Variants in KCNN2 observed in about 807,000 individuals in gnomAD.
The protein encoded by KCNN2 is potassium calcium-activated channel subfamily N member 2.
KCNN2 carries 24 observed loss-of-function variants against 55.5 expected under a neutral mutation model. The ratio of observed to expected loss-of-function variants is 0.43; its 90% CI spans 0.31 to 0.61. The LOEUF (loss-of-function observed/expected upper bound fraction) is 0.61, where lower values mean the gene tolerates loss of function less well. Ranked by LOEUF, KCNN2 falls within the 20% of genes least tolerant of loss-of-function variation. The probability of loss-of-function intolerance (pLI) is 0.08; values close to 1 mark genes in which losing one functional copy is unlikely to be tolerated. For synonymous variants in KCNN2, 431 were observed against 336.1 expected (o/e 1.28, Z -3.09); for missense variants, 754 against 853.6 (o/e 0.88, Z 1.45).
At chr5:114,186,940 T>A (rs755209556) in intron 1 of KCNN2, among the ~76,000 whole-genome samples, 16 of 152,126 alleles carry the variant, frequency 1.1e-4, no homozygotes, top group Non-Finnish European at 2.4e-4. Flanking sequence ...AATACAGAGA[T>A]AAAAATCACG....
intron 2 of KCNN2, among the ~76,000 whole-genome samples, chr5:114,349,381 C>A (rs913320503): frequency 6.6e-6 from 1 of 151,984 alleles, no homozygotes; most frequent in Admixed American, 6.6e-5. Context: ...ACACCTGATA[C>A]CTTTGTTTTC....
At chr5:114,112,757 T>C (rs1751625949) in intron 1 of KCNN2, among the ~76,000 whole-genome samples, 1 of 152,120 alleles carries the variant, frequency 6.6e-6, no homozygotes, top group African/African-American at 2.4e-5. Flanking sequence ...AATTGTGTTT[T>C]ATTTTCCAGA....
intron 2 of KCNN2, among the ~76,000 whole-genome samples, chr5:114,309,216 T>A (rs984883507): frequency 2.0e-5 from 3 of 152,162 alleles, no homozygotes; most frequent in African/African-American, 7.2e-5. Context: ...GGCCAACAGT[T>A]TTACCCAAGG....
chr5:114,123,425 C>T lies in KCNN2; in HGVS notation c.-271+66925C>T, dbSNP rs1281031716. Among the ~76,000 whole-genome samples, 5 of 58,946 alleles carry T rather than the reference C, an allele frequency of 8.5e-5. 1 individual carries two copies. The highest frequency in any genetic ancestry group is 4.4e-4 in the East Asian group (2 of 4,518). The allele number at this position is 58,946 out of a possible 152,430, so 38.7% of individuals were successfully genotyped here. A position where few individuals can be genotyped will look rare whatever the true frequency, so the allele number is the denominator to read the frequency against. ...TTGCCCAGGCTGGAGTGCAGTGGCG[C>T]GATCTCGGCTCACTGCAAGCTCCGC... On this transcript the variant is annotated intron_variant, in intron 1 of 10. Transcript: ENST00000512097.
At chr5:114,198,098 T>G (rs541147248) in intron 1 of KCNN2, among the ~76,000 whole-genome samples, 1 of 152,112 alleles carries the variant, frequency 6.6e-6, no homozygotes, top group Non-Finnish European at 1.5e-5. Context: ...ATACTATGAA[T>G]TTTTTTAAAT....
chr5:114,171,839 T>C (rs1452524135), intron 1 of KCNN2, among the ~76,000 whole-genome samples: 4 of 152,022 alleles, frequency 2.6e-5, no homozygotes, highest in South Asian at 4.1e-4. Context: ...ATGGCTGCTT[T>C]ACCATGTCTT....
At chr5:114,271,091 C>T (rs1034715329) in intron 2 of KCNN2, among the ~76,000 whole-genome samples, 4 of 152,134 alleles carry the variant, frequency 2.6e-5, no homozygotes, top group African/African-American at 9.7e-5. Context: ...GCTCAGGTGG[C>T]CAGCTTTTAT....
intron 3 of KCNN2, among the ~76,000 whole-genome samples, chr5:114,426,450 A>G (rs1371588018): frequency 1.3e-5 from 2 of 152,174 alleles, no homozygotes; most frequent in East Asian, 1.9e-4. Flanking sequence ...ATACTGGTCT[A>G]TAGTTTTTTT....
At chr5:114,232,259 G>A (rs1008047431) in intron 2 of KCNN2, among the ~76,000 whole-genome samples, 6 of 150,714 alleles carry the variant, frequency 4.0e-5, no homozygotes, top group African/African-American at 1.5e-4. Context: ...GATGAGAACA[G>A]GTCATGAGTC....
chr5:114,336,475 T>A (rs991693638), intron 2 of KCNN2, among the ~76,000 whole-genome samples: 12 of 152,220 alleles, frequency 7.9e-5, no homozygotes, highest in African/African-American at 2.9e-4. Flanking sequence ...AGTTATTCAT[T>A]CATTCATTTC....
At chr5:114,339,007 T>G (rs1756971626) in intron 2 of KCNN2, among the ~76,000 whole-genome samples, 1 of 152,222 alleles carries the variant, frequency 6.6e-6, no homozygotes, top group Non-Finnish European at 1.5e-5. Context: ...ACTCTGAGAA[T>G]TATGCGGTCA....
chr5:114,186,056 G>A lies in KCNN2; in HGVS notation c.-270-35424G>A, dbSNP rs1363507074. 2.6e-5 allele frequency among the ~76,000 whole-genome samples: 4 copies of A among 152,050 alleles called. No individual in the cohort carries two copies. In the East Asian group the frequency reaches 7.7e-4, roughly 29 times the overall value. On this transcript the variant is annotated intron_variant, in intron 1 of 10. Coordinates refer to the KCNN2 transcript ENST00000512097. ...TTTCTCTGCATCTTTCATGTTTCAT[G>A]TTATTGATTATTCAGTTCCTGGCAA... is the stretch of plus-strand genomic sequence containing the variant.
chr5:114,456,340 A>G (rs1197282484), intron 3 of KCNN2, among the ~76,000 whole-genome samples: 1 of 152,212 alleles, frequency 6.6e-6, no homozygotes, highest in Non-Finnish European at 1.5e-5. Context: ...ACATCTGTTT[A>G]TAGCATCATT....
At chr5:114,199,718 C>G (rs1753633737) in intron 1 of KCNN2, among the ~76,000 whole-genome samples, 1 of 151,982 alleles carries the variant, frequency 6.6e-6, no homozygotes, top group Non-Finnish European at 1.5e-5. Context: ...CAAAATCCCC[C>G]AGCATTTTCT....
At chr5:114,188,861 G>A (rs899660258) in intron 1 of KCNN2, among the ~76,000 whole-genome samples, 1 of 152,160 alleles carries the variant, frequency 6.6e-6, no homozygotes, top group Non-Finnish European at 1.5e-5. Context: ...AATCAGTACT[G>A]TAAAATCTGT....
At chr5:114,431,034 T>C (rs951391874) in intron 3 of KCNN2, among the ~76,000 whole-genome samples, 2 of 152,138 alleles carry the variant, frequency 1.3e-5, no homozygotes, top group African/African-American at 2.4e-5. Context: ...ATGAGAGATA[T>C]TGGTTGATAG....
intron 1 of KCNN2, among the ~76,000 whole-genome samples, chr5:114,168,244 G>A (rs1295761284): frequency 1.3e-5 from 2 of 151,118 alleles, no homozygotes; most frequent in African/African-American, 4.9e-5. Context: ...ATACAAGTCT[G>A]GTTATGGGTT....
chr5:114,236,327 C>T (rs1469342622), intron 2 of KCNN2, among the ~76,000 whole-genome samples: 1 of 151,976 alleles, frequency 6.6e-6, no homozygotes, highest in Non-Finnish European at 1.5e-5. Flanking sequence ...ATAAATTTTT[C>T]CTTCATTTTT....
intron 5 of KCNN2, among the ~76,000 whole-genome samples, chr5:114,480,275 T>A (rs1216771724): frequency 6.6e-6 from 1 of 152,000 alleles, no homozygotes; most frequent in Non-Finnish European, 1.5e-5. Flanking sequence ...ATGGATAAAT[T>A]CCCGGACACA....
Sources: gnomAD v4.1 joint callset for allele counts (sites outside exome capture counted in the v4.1 genomes callset) on GRCh38, gnomAD v4.1.1 for gene constraint, MANE v1.5 for transcripts, NCBI Gene and HGNC (gene_info 2026-07-23, HGNC 2026-07-21) for gene names.